Variants in SKI observed in about 807,000 individuals in gnomAD.
The protein encoded by SKI is ski oncogene.
SKI carries 23 observed loss-of-function variants against 59.3 expected under a neutral mutation model. The observed-to-expected ratio is 0.39, with a 90% CI of 0.28 to 0.55. The LOEUF (loss-of-function observed/expected upper bound fraction) is 0.55, where lower values mean the gene tolerates loss of function less well. Ranked by LOEUF, SKI falls within the 20% of genes least tolerant of loss-of-function variation. The pLI is 0.67. For missense variants in SKI, 1,017 were observed against 1,038.9 expected, an observed-to-expected ratio of 0.98 and a Z score of 0.29; for synonymous variants, 673 against 488.6, an observed-to-expected ratio of 1.38 and a Z score of -4.98.
At chr1:2,290,809 C>G (rs1379884673) in intron 1 of SKI, among the ~76,000 whole-genome samples, 8 of 152,228 alleles carry the variant, frequency 5.3e-5, no homozygotes, top group Admixed American at 5.2e-4. Flanking sequence ...GTCACCCCCT[C>G]CTGCCGCTCT....
In SKI at chr1:2,244,425, C is replaced by A. The variant is rs535797446; in HGVS notation, c.969+14690C>A. ...ACACCATGTTTCTACTAGAAAAATA[C>A]AAAAATTACCTGGGCGTGGTGGTGT... On this transcript the variant is annotated intron_variant, in intron 1 of 6. Transcript: ENST00000378536. 3.3e-5 allele frequency among the ~76,000 whole-genome samples: 5 copies of A among 152,142 alleles called. No homozygotes were observed. The East Asian group carries it at 9.7e-4, about 30-fold the overall frequency.
Position 2,306,562 on chromosome 1 carries a change from T to C in SKI, c.1999-15T>C. 1.3e-6 allele frequency: 2 copies of C among 1,539,762 alleles called. No individual in the cohort carries two copies. Among genetic ancestry groups the C allele is most frequent in the Non-Finnish European group, 1.7e-6 (2 of 1,145,062 alleles). ...GCAGCGAGCAGGCGCCGCTGACCAC[T>C]CGGCTCCCTTTCAGATCGAAGACCT... On this transcript the variant is annotated splice_polypyrimidine_tract_variant and intron_variant, in intron 6 of 6. Transcript: ENST00000378536.
At chr1:2,290,124 G>A (rs1241640712) in intron 1 of SKI, among the ~76,000 whole-genome samples, 1 of 152,130 alleles carries the variant, frequency 6.6e-6, no homozygotes, top group African/African-American at 2.4e-5. Context: ...TAAGGCAAGG[G>A]TGATGTTGGT....
intron 1 of SKI, among the ~76,000 whole-genome samples, chr1:2,271,420 G>A (rs940974716): frequency 6.6e-6 from 1 of 152,108 alleles, no homozygotes; most frequent in Non-Finnish European, 1.5e-5. Context: ...GCCTGGGCTG[G>A]TGTCACCCCT....
intron 1 of SKI, among the ~76,000 whole-genome samples, chr1:2,287,629 G>A (rs1004900933): frequency 6.6e-6 from 1 of 152,186 alleles, no homozygotes; most frequent in Non-Finnish European, 1.5e-5. Context: ...GGTGGGGGTG[G>A]TCTCTGTCTC....
chr1:2,231,297 G>C (rs948091749), intron 1 of SKI, among the ~76,000 whole-genome samples: 1 of 152,138 alleles, frequency 6.6e-6, no homozygotes, highest in South Asian at 2.1e-4. Context: ...GCTGGGACAC[G>C]CTCACGTCAC....
chr1:2,249,359 C>T (rs779500713), intron 1 of SKI, among the ~76,000 whole-genome samples: 2 of 152,230 alleles, frequency 1.3e-5, no homozygotes, highest in Non-Finnish European at 1.5e-5. Flanking sequence ...CGCAGACAGC[C>T]GTGCCACCAG....
At chr1:2,295,000 C>T (rs1016942467) in intron 1 of SKI, among the ~76,000 whole-genome samples, 2 of 152,210 alleles carry the variant, frequency 1.3e-5, no homozygotes, top group African/African-American at 4.8e-5. Context: ...CAGAATGTTC[C>T]CTAAAGTGGA....
chr1:2,243,105 T>TG (rs1302793711), intron 1 of SKI, among the ~76,000 whole-genome samples: 7 of 152,368 alleles, frequency 4.6e-5, no homozygotes, highest in African/African-American at 1.7e-4. Context: ...ATGAGTGCCT[T>TG]GGGTGCCTGG....
Position 2,308,441 on chromosome 1 carries a change from ATTTTCTTTGCTTTTG to A in SKI, c.*1687_*1701del, listed in dbSNP as rs1640654788. The A allele has an allele frequency of 6.6e-6, 1 of 151,716 alleles. No homozygotes were observed. Among genetic ancestry groups the A allele is most frequent in the Non-Finnish European group, 1.5e-5 (1 of 67,956 alleles). 9.4% of individuals were successfully genotyped at this position (151,716 alleles called of 1,614,324 possible). On this transcript the variant is annotated 3_prime_UTR_variant, in exon 7 of 7. Coordinates refer to ENST00000378536, the MANE Select transcript of SKI (RefSeq NM_003036.4). ...CATGTATATGCAGCGTTTGTTTGGA[ATTTTCTTTGCTTTTG>A]TTTTCTTTGCGGTTGTTCTGTGTGC...
intron 1 of SKI, among the ~76,000 whole-genome samples, chr1:2,291,505 C>T (rs905318802): frequency 6.6e-6 from 1 of 152,238 alleles, no homozygotes; most frequent in East Asian, 1.9e-4. Flanking sequence ...CCCTGGTGGA[C>T]GCCTCAGACC....
Position 2,250,026 on chromosome 1 carries a change from TC to T in SKI, c.969+20294del, listed in dbSNP as rs1284995642. 3.3e-5 allele frequency among the ~76,000 whole-genome samples: 5 copies of T among 152,092 alleles called. 1 individual carries two copies. The highest frequency in any genetic ancestry group is 7.4e-5 in the Non-Finnish European group (5 of 68,010). On this transcript the variant is annotated intron_variant, in intron 1 of 6. Coordinates refer to ENST00000378536, the MANE Select transcript of SKI (RefSeq NM_003036.4). ...TTCAAGTGATTCTCCTGCCTCAGCC[TC>T]CCGAATAGCTGGGATTACAGGCGCC...
intron 1 of SKI, among the ~76,000 whole-genome samples, chr1:2,260,024 A>G (rs1228322325): frequency 6.6e-6 from 1 of 152,210 alleles, no homozygotes; most frequent in Non-Finnish European, 1.5e-5. Flanking sequence ...CCCTGGATAG[A>G]TACCTAGGTG....
At chr1:2,238,559 CA>C (rs1638799548) in intron 1 of SKI, among the ~76,000 whole-genome samples, 2 of 152,224 alleles carry the variant, frequency 1.3e-5, no homozygotes, top group South Asian at 4.1e-4. Context: ...CCCGGGGCCC[CA>C]GAGTGAGGGG....
chr1:2,230,420 C>T (rs568523682), intron 1 of SKI, among the ~76,000 whole-genome samples: 1 of 152,096 alleles, frequency 6.6e-6, no homozygotes, highest in Non-Finnish European at 1.5e-5. Flanking sequence ...CAGAGTCCGC[C>T]GTGTGGGGTG....
intron 1 of SKI, among the ~76,000 whole-genome samples, chr1:2,254,980 C>T (rs188105311): frequency 6.8e-4 from 104 of 152,308 alleles, no homozygotes; most frequent in Non-Finnish European, 1.3e-3. Context: ...CACAGTGTCA[C>T]CTCTGTGTCC....
intron 1 of SKI, among the ~76,000 whole-genome samples, chr1:2,284,680 C>T (rs917414211): frequency 1.3e-5 from 2 of 152,192 alleles, no homozygotes; most frequent in South Asian, 2.1e-4. Flanking sequence ...CCCTCCCGCC[C>T]CACACCGGCC....
rs1229801294 is a variant in SKI at position 2,267,200 on chromosome 1, C to T, written c.970-35778C>T. Reference sequence around the variant, plus strand: ...AGCACTGAACTGGTTTTGTAACAAGCTTGGTGTCCATATCGCTCTTAATAA... The same window carrying T: ...AGCACTGAACTGGTTTTGTAACAAGTTTGGTGTCCATATCGCTCTTAATAA... On this transcript the variant is annotated intron_variant, in intron 1 of 6. Coordinates refer to ENST00000378536, the MANE Select transcript of SKI (RefSeq NM_003036.4). The surrounding 1 kb of genome is among the most constrained non-coding windows in gnomAD (Gnocchi z 4.1). Among the ~76,000 whole-genome samples, 1 of 152,168 alleles carries T rather than the reference C, an allele frequency of 6.6e-6. No homozygotes were observed. The highest frequency in any genetic ancestry group is 1.5e-5 in the Non-Finnish European group (1 of 68,034).
chr1:2,240,896 C>T (rs1478665943), intron 1 of SKI: 12 of 677,628 alleles, frequency 1.8e-5, no homozygotes, highest in African/African-American at 2.0e-5. Context: ...CCTGCGTCGA[C>T]CCCAATCCTC....
Sources: gnomAD v4.1 joint callset for allele counts (sites outside exome capture counted in the v4.1 genomes callset) on GRCh38, gnomAD v4.1.1 for gene constraint, Gnocchi (gnomAD v3.1) non-coding constraint, MANE v1.5 for transcripts, NCBI Gene and HGNC (gene_info 2026-07-23, HGNC 2026-07-21) for gene names.